Variants in TBC1D32 observed in about 807,000 individuals in gnomAD.
TBC1D32 encodes TBC1 domain family member 32, also known as protein broad-minded.
Under a neutral mutation model 170.3 loss-of-function variants are expected in TBC1D32, and 151 were observed. That is an observed-to-expected ratio of 0.89 (90% CI 0.78 to 1.01). TBC1D32 has a LOEUF of 1.01. TBC1D32 is among the 50% of genes least tolerant of loss of function. TBC1D32 has a pLI of 0.00. For missense variants in TBC1D32, 1,464 were observed against 1,457.1 expected, an observed-to-expected ratio of 1.00 and a Z score of -0.08; for synonymous variants, 498 against 488.0, an observed-to-expected ratio of 1.02 and a Z score of -0.27.
At chr6:121,138,463 C>G (rs1452706210) in intron 24 of TBC1D32, among the ~76,000 whole-genome samples, 3 of 152,104 alleles carry the variant, frequency 2.0e-5, no homozygotes, top group Non-Finnish European at 4.4e-5. Flanking sequence ...CTAAGTTTTA[C>G]TTATCAAAAG....
chr6:121,212,676 A>T (rs62444565), intron 21 of TBC1D32, among the ~76,000 whole-genome samples: 16,823 of 151,646 alleles, frequency 0.11, 1,281 homozygotes, highest in Non-Finnish European at 0.17. Context: ...CTGGTCTCAA[A>T]CTCCTGACCT....
chr6:121,327,634 A>G (rs1583783060), intron 1 of TBC1D32, among the ~76,000 whole-genome samples: 1 of 152,184 alleles, frequency 6.6e-6, no homozygotes, highest in Non-Finnish European at 1.5e-5. Flanking sequence ...GAATGGATAG[A>G]GGTTGTGGTA....
intron 24 of TBC1D32, among the ~76,000 whole-genome samples, chr6:121,154,815 T>C (rs960193885): frequency 6.6e-6 from 1 of 152,074 alleles, no homozygotes; most frequent in African/African-American, 2.4e-5. Context: ...TAATAGTAAG[T>C]GTGTAGGCTT....
At chr6:121,313,666 C>T (rs1341946858) in intron 3 of TBC1D32, among the ~76,000 whole-genome samples, 1 of 152,062 alleles carries the variant, frequency 6.6e-6, no homozygotes, top group Non-Finnish European at 1.5e-5. Flanking sequence ...GATTTTATGA[C>T]TCCATCTTTT....
At chr6:121,264,054 A>G (rs1800126421) in intron 15 of TBC1D32, among the ~76,000 whole-genome samples, 1 of 151,556 alleles carries the variant, frequency 6.6e-6, no homozygotes, top group African/African-American at 2.4e-5. Context: ...AAACAAATAC[A>G]AAAGCTAGAA....
At chr6:121,278,165 G>A (rs1802488755) in intron 15 of TBC1D32, among the ~76,000 whole-genome samples, 1 of 152,006 alleles carries the variant, frequency 6.6e-6, no homozygotes, top group South Asian at 2.1e-4. Flanking sequence ...GTTTGCTGGT[G>A]AATTTTATAA....
At chr6:121,291,175 C>T (rs1015729062) in intron 12 of TBC1D32, among the ~76,000 whole-genome samples, 6 of 151,154 alleles carry the variant, frequency 4.0e-5, no homozygotes, top group African/African-American at 1.5e-4. Flanking sequence ...GAAAGAAAAC[C>T]AGGTACTCCA....
chr6:121,272,201 G>T (rs891739869), intron 15 of TBC1D32, among the ~76,000 whole-genome samples: 5 of 152,084 alleles, frequency 3.3e-5, no homozygotes, highest in Admixed American at 3.3e-4. Context: ...ACATGGGCAA[G>T]GACTTCATGA....
intron 12 of TBC1D32, 142 bp from the exon 13 acceptor site, chr6:121,284,052 C>G: frequency 1.6e-6 from 1 of 634,212 alleles, no homozygotes; most frequent in Non-Finnish European, 2.8e-6. Flanking sequence ...GCTATAATCT[C>G]AGATAGAAGA....
chr6:121,139,149 C>A (rs185004193), intron 24 of TBC1D32, among the ~76,000 whole-genome samples: 1 of 152,016 alleles, frequency 6.6e-6, no homozygotes, highest in East Asian at 1.9e-4. Flanking sequence ...CCCAGCCATA[C>A]CATATTATTT....
intron 21 of TBC1D32, among the ~76,000 whole-genome samples, chr6:121,208,629 C>T (rs564530999): frequency 7.1e-6 from 1 of 140,384 alleles, no homozygotes; most frequent in East Asian, 2.2e-4. Context: ...GTCCTTATAA[C>T]AGAAAAACAG....
At chr6:121,139,128 G>A (rs1782488753) in intron 24 of TBC1D32, among the ~76,000 whole-genome samples, 1 of 152,074 alleles carries the variant, frequency 6.6e-6, no homozygotes, top group Admixed American at 6.5e-5. Context: ...TTACAGGAGT[G>A]AGCTACCGTG....
chr6:121,290,698 C>T (rs1296896462), intron 12 of TBC1D32, among the ~76,000 whole-genome samples: 2 of 151,936 alleles, frequency 1.3e-5, no homozygotes, highest in Non-Finnish European at 2.9e-5. Flanking sequence ...GACACATGCA[C>T]ACATATGTTT....
At chr6:121,207,442 T>C (rs199498146) in intron 21 of TBC1D32, among the ~76,000 whole-genome samples, 2 of 152,044 alleles carry the variant, frequency 1.3e-5, no homozygotes, top group African/African-American at 4.8e-5. Flanking sequence ...AATGGAAGAG[T>C]AGATTACAGT....
At chr6:121,141,238 A>T (rs539759326) in intron 24 of TBC1D32, among the ~76,000 whole-genome samples, 4 of 151,888 alleles carry the variant, frequency 2.6e-5, no homozygotes, top group African/African-American at 9.6e-5. Flanking sequence ...TAAGGTGGAG[A>T]TAACTTCTCT....
rs1562527112 is a variant in TBC1D32 at position 121,115,090 on chromosome 6, A to C, written c.3053+82T>G. 3.9e-6 allele frequency: 4 copies of C among 1,024,276 alleles called. No individual in the cohort carries two copies. In the East Asian group the frequency reaches 1.1e-4, roughly 28 times the overall value. The allele number at this position is 1,024,276 out of a possible 1,614,324, so 63.4% of individuals were successfully genotyped here. A position where few individuals can be genotyped will look rare whatever the true frequency, so the allele number is the denominator to read the frequency against. On this transcript the variant is annotated intron_variant, in intron 27 of 31. Coordinates refer to ENST00000398212, the MANE Select transcript of TBC1D32 (RefSeq NM_152730.6). The stretch of plus-strand genomic sequence containing the variant: ...AAAGTATACAAAATAGTTGGTTGTT[A>C]AATTAAATACTACTGAGCACATATG...
Position 121,192,081 on chromosome 6 carries a change from T to TATATATATATATATATATATATATCTCC in TBC1D32, c.2570+12993_2570+12994insGGAGATATATATATATATATATATATAT, listed in dbSNP as rs1191358364. Among the ~76,000 whole-genome samples the TATATATATATATATATATATATATCTCC allele has an allele frequency of 3.3e-4, 44 of 132,478 alleles. 1 individual carries two copies. Among genetic ancestry groups the TATATATATATATATATATATATATCTCC allele is most frequent in the Admixed American group, 6.0e-4 (6 of 9,928 alleles). The allele number at this position is 132,478 out of a possible 152,430, so 86.9% of individuals were successfully genotyped here. A position where few individuals can be genotyped will look rare whatever the true frequency, so the allele number is the denominator to read the frequency against. On this transcript the variant is annotated intron_variant, in intron 22 of 31. Coordinates refer to ENST00000398212, the MANE Select transcript of TBC1D32 (RefSeq NM_152730.6). ...AAACTACCCTTTATATATATATATA[T>TATATATATATATATATATATATATCTCC]ATCCTATTAGTTCTATCCTTCTGGG...
intron 22 of TBC1D32, among the ~76,000 whole-genome samples, chr6:121,173,694 C>T (rs1019363328): frequency 6.6e-6 from 1 of 151,914 alleles, no homozygotes; most frequent in Non-Finnish European, 1.5e-5. Context: ...TGTCTACCTC[C>T]ATATCAAGAT....
intron 10 of TBC1D32, among the ~76,000 whole-genome samples, chr6:121,298,858 T>C (rs1391876748): frequency 6.6e-6 from 1 of 152,124 alleles, no homozygotes; most frequent in Non-Finnish European, 1.5e-5. Flanking sequence ...CAGTATAACA[T>C]TTGAATGTCT....
Sources: gnomAD v4.1 joint callset for allele counts (sites outside exome capture counted in the v4.1 genomes callset) on GRCh38, gnomAD v4.1.1 for gene constraint, MANE v1.5 for transcripts, NCBI Gene and HGNC (gene_info 2026-07-23, HGNC 2026-07-21) for gene names.